The following PRLR variants were observed in gnomAD, a reference collection of about 807,000 sequenced individuals.
PRLR encodes prolactin receptor.
PRLR carries 13 observed loss-of-function variants against 40.2 expected under a neutral mutation model. The ratio of observed to expected loss-of-function variants is 0.32; its 90% CI spans 0.21 to 0.51. The LOEUF (loss-of-function observed/expected upper bound fraction) is 0.51, where lower values mean the gene tolerates loss of function less well. Among genes scored for constraint, PRLR ranks in the 20% least tolerant of loss-of-function variants. The pLI is 0.97. For synonymous variants in PRLR, 269 were observed against 278.7 expected (o/e 0.97, Z 0.35); for missense variants, 656 against 747.3 (o/e 0.88, Z 1.42).
At chr5:35,180,566 C>CTCTTT (rs1043072949) in intron 1 of PRLR, among the ~76,000 whole-genome samples, 10 of 152,058 alleles carry the variant, frequency 6.6e-5, no homozygotes, top group African/African-American at 2.4e-4. Context: ...CCAATTAAAC[C>CTCTTT]TCTTTTCTTT....
chr5:35,160,080 G>T (rs1774631713), intron 1 of PRLR, among the ~76,000 whole-genome samples: 1 of 152,200 alleles, frequency 6.6e-6, no homozygotes, highest in Non-Finnish European at 1.5e-5. Context: ...TCTCTCATGG[G>T]CTCAGATGTG....
chr5:35,192,736 A>T lies in PRLR; in HGVS notation c.-106+37532T>A, dbSNP rs1195381054. ...TAGCTGCCAAATAGCAGATGCCCCA[A>T]GAAAACAGATTCTTGTGAGACACAG... On this transcript the variant is annotated intron_variant, in intron 1 of 9. Transcript: ENST00000618457. Among the ~76,000 whole-genome samples, 4 of 152,370 alleles carry T rather than the reference A, an allele frequency of 2.6e-5. No individual in the cohort carries two copies. In the East Asian group the frequency reaches 5.8e-4, roughly 22 times the overall value.
intron 1 of PRLR, among the ~76,000 whole-genome samples, chr5:35,143,485 T>A (rs559722295): frequency 1.3e-5 from 2 of 152,230 alleles, no homozygotes; most frequent in Non-Finnish European, 2.9e-5. Flanking sequence ...GATCACCTTA[T>A]GCAAAGTACC....
intron 1 of PRLR, among the ~76,000 whole-genome samples, chr5:35,162,160 G>A (rs139100026): frequency 2.8e-3 from 422 of 152,264 alleles, no homozygotes; most frequent in African/African-American, 9.4e-3. Context: ...ATCCTTTCCA[G>A]TAACAAAAGA....
chr5:35,166,878 C>T lies in PRLR; in HGVS notation c.-105-48756G>A, dbSNP rs143935590. Among the ~76,000 whole-genome samples, 328 of 152,230 alleles carry T rather than the reference C, an allele frequency of 2.2e-3. 2 individuals carry two copies. Among genetic ancestry groups the T allele is most frequent in the Non-Finnish European group, 3.6e-3 (246 of 67,980 alleles). The stretch of plus-strand genomic sequence containing the variant: ...TTAATAGTAATTATTGGTATGTCAG[C>T]ATCATCTGGAAGTTTGTGGCTAAAT... On this transcript the variant is annotated intron_variant, in intron 1 of 9. Coordinates refer to ENST00000618457, the MANE Select transcript of PRLR (RefSeq NM_000949.7).
At chr5:35,191,885 A>G (rs1354732297) in intron 1 of PRLR, among the ~76,000 whole-genome samples, 2 of 152,206 alleles carry the variant, frequency 1.3e-5, no homozygotes, top group African/African-American at 4.8e-5. Flanking sequence ...AGGCTTCCTC[A>G]GTGCCTTTGC....
At chr5:35,163,794 G>T (rs990607560) in intron 1 of PRLR, among the ~76,000 whole-genome samples, 5 of 152,102 alleles carry the variant, frequency 3.3e-5, no homozygotes, top group African/African-American at 4.8e-5. Flanking sequence ...ACTTTCTCTG[G>T]CCCTAGCATT....
intron 1 of PRLR, among the ~76,000 whole-genome samples, chr5:35,205,031 G>A (rs1490743285): frequency 6.6e-6 from 1 of 152,114 alleles, no homozygotes; most frequent in Non-Finnish European, 1.5e-5. Context: ...GGCTGCCAGA[G>A]AGTTCATTAT....
intron 1 of PRLR, among the ~76,000 whole-genome samples, chr5:35,207,452 T>C (rs150774372): frequency 2.0e-5 from 3 of 152,158 alleles, no homozygotes; most frequent in East Asian, 1.9e-4. Context: ...TCAATAAATA[T>C]GCAGGACCTA....
intron 1 of PRLR, among the ~76,000 whole-genome samples, chr5:35,133,179 A>C (rs2914115): frequency 0.23 from 34,768 of 152,068 alleles, 7,583 homozygotes; most frequent in African/African-American, 0.57. Context: ...ACACTATCAG[A>C]TCTCCTGGTT....
chr5:35,121,528 A>G (rs889095980), intron 1 of PRLR, among the ~76,000 whole-genome samples: 1 of 152,166 alleles, frequency 6.6e-6, no homozygotes, highest in Non-Finnish European at 1.5e-5. Context: ...CTTTAGTACA[A>G]TCATCACTAC....
chr5:35,056,491 C>T lies in PRLR; in HGVS notation c.*8598G>A, dbSNP rs909079607. 1.4e-4 allele frequency: 21 copies of T among 152,216 alleles called. No individual in the cohort carries two copies. Among genetic ancestry groups the T allele is most frequent in the African/African-American group, 4.8e-4 (20 of 41,524 alleles). 9.4% of individuals were successfully genotyped at this position (152,216 alleles called of 1,614,324 possible). On this transcript the variant is annotated 3_prime_UTR_variant, in exon 10 of 10. Coordinates refer to ENST00000618457, the MANE Select transcript of PRLR (RefSeq NM_000949.7). Reference sequence around the variant, plus strand: ...ATTAAATGGAAGTTGCATCTTCCAGCCCCAAAGAAACTGGGGAGATTTAGA... The same window carrying T: ...ATTAAATGGAAGTTGCATCTTCCAGTCCCAAAGAAACTGGGGAGATTTAGA...
At chr5:35,230,172 C>G (rs376602568) in intron 1 of PRLR, 96 bp downstream of exon 1, 54 of 152,322 alleles carry the variant, frequency 3.5e-4, no homozygotes, top group African/African-American at 1.3e-3. Flanking sequence ...TCCCCTTCAG[C>G]ACGCGGGCCT....
chr5:35,223,352 C>T (rs1561373135), intron 1 of PRLR, among the ~76,000 whole-genome samples: 1 of 152,164 alleles, frequency 6.6e-6, no homozygotes, highest in Non-Finnish European at 1.5e-5. Context: ...CAATCAGAAA[C>T]ACCACTGAGA....
At position 35,084,450 on chromosome 5, in the gene PRLR, C is replaced by G. The variant is rs1770715653; in HGVS notation, c.373+20G>C. 6.5e-7 allele frequency: 1 copy of G among 1,536,444 alleles called. No homozygotes were observed. Among genetic ancestry groups the G allele is most frequent in the Non-Finnish European group, 8.7e-7 (1 of 1,149,840 alleles). ...ACATAGTGGAGTAAGAAATTCCTCA[C>G]CCACTTTCCTTCCCCTTACCTATGT... is the stretch of plus-strand genomic sequence containing the variant. On this transcript the variant is annotated intron_variant, in intron 5 of 9. Coordinates refer to ENST00000618457, the MANE Select transcript of PRLR (RefSeq NM_000949.7).
intron 2 of PRLR, among the ~76,000 whole-genome samples, chr5:35,113,448 CCTATCCAT>C (rs1561311036): frequency 4.2e-5 from 4 of 95,216 alleles, no homozygotes; most frequent in Admixed American, 9.5e-5. Context: ...CACCCACCCA[CCTATCCAT>C]CCATCCATCC....
intron 6 of PRLR, among the ~76,000 whole-genome samples, chr5:35,070,969 T>C (rs578051304): frequency 9.9e-5 from 15 of 152,160 alleles, no homozygotes; most frequent in Admixed American, 2.0e-4. Context: ...TGGGCATTCA[T>C]GTATGGTAAA....
intron 1 of PRLR, among the ~76,000 whole-genome samples, chr5:35,165,027 G>T (rs1774781487): frequency 6.6e-6 from 1 of 152,226 alleles, no homozygotes; most frequent in African/African-American, 2.4e-5. Context: ...CATTTAAAAT[G>T]TCAGTTAATG....
intron 1 of PRLR, among the ~76,000 whole-genome samples, chr5:35,205,952 G>C (rs1776005563): frequency 1.3e-5 from 2 of 152,142 alleles, no homozygotes; most frequent in Non-Finnish European, 2.9e-5. Flanking sequence ...TTTATTCCTA[G>C]ACGAGTAATC....
Sources: allele counts gnomAD v4.1 joint callset (sites outside exome capture counted in the v4.1 genomes callset), GRCh38; gene constraint gnomAD v4.1.1; transcripts MANE v1.5; gene names NCBI Gene and HGNC (gene_info 2026-07-23, HGNC 2026-07-21).